Variants in S1PR1 observed in about 807,000 individuals in gnomAD.
S1PR1 encodes the protein sphingosine 1-phosphate receptor 1.
Under a neutral mutation model 18.3 loss-of-function variants are expected in S1PR1, and 2 were observed. The observed-to-expected ratio is 0.11, with a 90% CI of 0.04 to 0.34. The LOEUF is 0.34. Among genes scored for constraint, S1PR1 ranks in the 10% least tolerant of loss-of-function variants. The pLI is 1.00. For missense variants in S1PR1, 335 were observed against 493.8 expected, an observed-to-expected ratio of 0.68 and a Z score of 3.05; for synonymous variants, 222 against 211.2, an observed-to-expected ratio of 1.05 and a Z score of -0.44.
In S1PR1 at chr1:101,241,285, G is replaced by A. The variant is rs201942857; in HGVS notation, c.*1152G>A. 1.8e-5 allele frequency: 3 copies of A among 167,108 alleles called. No homozygotes were observed. Among genetic ancestry groups the A allele is most frequent in the East Asian group, 1.9e-4 (1 of 5,336 alleles). The allele number at this position is 167,108 out of a possible 1,614,324, so 10.4% of individuals were successfully genotyped here. On this transcript the variant is annotated 3_prime_UTR_variant, in exon 2 of 2. Transcript: ENST00000305352. Reference sequence around the variant, plus strand: ...AGCATTACTTTAACTGGTAGGGAACGCCAGAAACTTTTCAGTCCAGCTATT... The same window carrying A: ...AGCATTACTTTAACTGGTAGGGAACACCAGAAACTTTTCAGTCCAGCTATT...
chr1:101,240,400 A>G lies in S1PR1; in HGVS notation c.*267A>G. The stretch of plus-strand genomic sequence containing the variant: ...CCCCTGGAGCTTTGATTTTGCACTG[A>G]GCCAAAGGTCTAGCATTGTCAAGCT... On this transcript the variant is annotated 3_prime_UTR_variant, in exon 2 of 2. Transcript: ENST00000305352. 1.9e-6 allele frequency: 1 copy of G among 535,934 alleles called. No individual in the cohort carries two copies. The highest frequency in any genetic ancestry group is 3.5e-6 in the Non-Finnish European group (1 of 289,274). 33.2% of individuals were successfully genotyped at this position (535,934 alleles called of 1,614,324 possible).
In S1PR1 at chr1:101,239,869, C is replaced by T; in HGVS notation, c.885C>T (p.Tyr295=). The change falls in exon 2 of 2, where the codon TAC becomes TAT. Residue 295 remains tyrosine, a synonymous_variant. Transcript: ENST00000305352. This position sits in a 1 kb window ranked among gnomAD's most constrained non-coding sequence, Gnocchi z 6.3. ...KTCDILFRAE[Y]FLVLAVLNSG... is the part of the protein sequence containing the mutation. ...GTGACATCCTCTTCAGAGCGGAGTACTTCCTGGTGTTAGCTGTGCTCAACT... is the reference window on the plus strand; with the variant it reads ...GTGACATCCTCTTCAGAGCGGAGTATTTCCTGGTGTTAGCTGTGCTCAACT... 6.2e-7 allele frequency: 1 copy of T among 1,613,820 alleles called. No homozygotes were observed. The highest frequency in any genetic ancestry group is 8.5e-7 in the Non-Finnish European group (1 of 1,180,032).
Position 101,238,883 on chromosome 1 carries a change from A to T in S1PR1, c.-102A>T, listed in dbSNP as rs923406005. On this transcript the variant is annotated 5_prime_UTR_variant, in exon 2 of 2. Transcript: ENST00000305352. Reference sequence around the variant, plus strand: ...GCTACACAAAAAGCCTGGATCACTCATCGAACCACCCCTGAAGCCAGTGAA... The same window carrying T: ...GCTACACAAAAAGCCTGGATCACTCTTCGAACCACCCCTGAAGCCAGTGAA... 3 of 1,197,130 alleles carry T rather than the reference A, an allele frequency of 2.5e-6. No homozygotes were observed. In the African/African-American group the frequency reaches 4.6e-5, roughly 18 times the overall value. 74.2% of individuals were successfully genotyped at this position (1,197,130 alleles called of 1,614,324 possible). A position where few individuals can be genotyped will look rare whatever the true frequency, so the allele number is the denominator to read the frequency against.
rs1203089141 is a variant in S1PR1 at position 101,238,910 on chromosome 1, G to T, written c.-75G>T. The T allele has an allele frequency of 4.9e-6, 7 of 1,421,004 alleles. No homozygotes were observed. Among genetic ancestry groups the T allele is most frequent in the Non-Finnish European group, 6.6e-6 (7 of 1,059,792 alleles). 88.0% of individuals were successfully genotyped at this position (1,421,004 alleles called of 1,614,324 possible). A position where few individuals can be genotyped will look rare whatever the true frequency, so the allele number is the denominator to read the frequency against. ...CGAACCACCCCTGAAGCCAGTGAAG[G>T]CTCTCTCGCCTCGCCCTCTAGCGTT... On this transcript the variant is annotated 5_prime_UTR_variant, in exon 2 of 2. Transcript: ENST00000305352.
downstream of S1PR1, among the ~76,000 whole-genome samples, chr1:101,242,079 C>T (rs1371617395): frequency 6.7e-6 from 1 of 148,382 alleles, no homozygotes; most frequent in African/African-American, 2.5e-5. Flanking sequence ...TAGAAGTATA[C>T]AGTATCAGTG....
In S1PR1 at chr1:101,239,107, G is replaced by A; in HGVS notation, c.123G>A (p.Lys41=). 1.2e-6 allele frequency: 2 copies of A among 1,614,270 alleles called. No individual in the cohort carries two copies. Among genetic ancestry groups the A allele is most frequent in the South Asian group, 1.1e-5 (1 of 91,084 alleles). ...YTGKLNISAD[K]ENSIKLTSVV... is the part of the protein sequence containing the mutation. ...GAAAGCTGAATATCAGCGCGGACAA[G>A]GAGAACAGCATTAAACTGACCTCGG... The change falls in exon 2 of 2, where the codon AAG becomes AAA. Residue 41 remains lysine (K), a synonymous_variant. Coordinates refer to ENST00000305352, the MANE Select transcript of S1PR1 (RefSeq NM_001400.5). This position sits in a 1 kb window ranked among gnomAD's most constrained non-coding sequence, Gnocchi z 6.3.
rs1399180292 is a variant in S1PR1 at position 101,240,793 on chromosome 1, G to T, written c.*660G>T. The T allele has an allele frequency of 6.0e-6, 1 of 167,208 alleles. No homozygotes were observed. The highest frequency in any genetic ancestry group is 2.4e-5 in the African/African-American group (1 of 41,432). 10.4% of individuals were successfully genotyped at this position (167,208 alleles called of 1,614,324 possible). On this transcript the variant is annotated 3_prime_UTR_variant, in exon 2 of 2. Coordinates refer to ENST00000305352, the MANE Select transcript of S1PR1 (RefSeq NM_001400.5). The stretch of plus-strand genomic sequence containing the variant: ...GAGGCCAAAGTTTCCATGTAAGCGG[G>T]ATCCGTTTTTTGGAATTTGGTTGAA...
chr1:101,237,730 A>T (rs971893343), intron 1 of S1PR1, among the ~76,000 whole-genome samples: 3 of 152,220 alleles, frequency 2.0e-5, no homozygotes, highest in East Asian at 1.9e-4. Context: ...AAAACTGCCC[A>T]CGCAAATTTA....
chr1:101,240,052 C>T lies in S1PR1; in HGVS notation c.1068C>T (p.Asp356=), dbSNP rs1322318121. The T allele has an allele frequency of 6.2e-7, 1 of 1,613,658 alleles. No homozygotes were observed. The highest frequency in any genetic ancestry group is 8.5e-7 in the Non-Finnish European group (1 of 1,180,044). ...AGMEFSRSKS[D]NSSHPQKDEG... is the part of the protein sequence containing the mutation. ...TGGAATTCAGCCGCAGCAAATCGGA[C>T]AATTCCTCCCACCCCCAGAAAGACG... The change falls in exon 2 of 2, where the codon GAC becomes GAT. Residue 356 remains aspartate, a synonymous_variant. Coordinates refer to ENST00000305352, the MANE Select transcript of S1PR1 (RefSeq NM_001400.5).
chr1:101,238,748 A>T (rs1652788854), intron 1 of S1PR1, 74 bp from the exon 2 acceptor site: 1 of 530,886 alleles, frequency 1.9e-6, no homozygotes, highest in Non-Finnish European at 3.3e-6. Flanking sequence ...CAATTGGAGC[A>T]GTGCCTTAGC....
rs1253905349 is a variant in S1PR1, at chr1:101,241,230, A to G, written c.*1097A>G. On this transcript the variant is annotated 3_prime_UTR_variant, in exon 2 of 2. Coordinates refer to ENST00000305352, the MANE Select transcript of S1PR1 (RefSeq NM_001400.5). ...TAACACCATTGAATGTGTATTTCTT[A>G]AGAAAATACCACCCTCTTGTGCCCT... 3 of 167,234 alleles carry G rather than the reference A, an allele frequency of 1.8e-5. No individual in the cohort carries two copies. The highest frequency in any genetic ancestry group is 4.4e-5 in the Non-Finnish European group (3 of 68,114). 10.4% of individuals were successfully genotyped at this position (167,234 alleles called of 1,614,324 possible).
chr1:101,237,318 T>C (rs1404424678), intron 1 of S1PR1, among the ~76,000 whole-genome samples: 2 of 152,194 alleles, frequency 1.3e-5, no homozygotes, highest in African/African-American at 4.8e-5. Flanking sequence ...GAAAAAAGGT[T>C]AATTCCCAAC....
chr1:101,241,962 C>T (rs1022072288), downstream of S1PR1, among the ~76,000 whole-genome samples: 3 of 150,972 alleles, frequency 2.0e-5, no homozygotes, highest in African/African-American at 7.3e-5. Flanking sequence ...CTTTCACCAA[C>T]ATGTTGGGGA....
At position 101,240,165 on chromosome 1, in the gene S1PR1, C is replaced by G. The variant is rs1442456614; in HGVS notation, c.*32C>G. On this transcript the variant is annotated 3_prime_UTR_variant, in exon 2 of 2. Transcript: ENST00000305352. ...AAGCTGTCCACCCACCGGAAGCGCTCTTTACTTGGTCGCTGGCCACCCCAG... is the reference window on the plus strand; with the variant it reads ...AAGCTGTCCACCCACCGGAAGCGCTGTTTACTTGGTCGCTGGCCACCCCAG... The G allele has an allele frequency of 1.9e-6, 3 of 1,611,012 alleles. No homozygotes were observed. Among genetic ancestry groups the G allele is most frequent in the South Asian group, 2.2e-5 (2 of 90,870 alleles).
Position 101,240,369 on chromosome 1 carries a change from T to G in S1PR1, c.*236T>G. On this transcript the variant is annotated 3_prime_UTR_variant, in exon 2 of 2. Coordinates refer to ENST00000305352, the MANE Select transcript of S1PR1 (RefSeq NM_001400.5). ...TCAGGTCCCGGCCTGGAATATATTT[T>G]CTACCCCCCTGGAGCTTTGATTTTG... The G allele has an allele frequency of 1.7e-6, 1 of 588,960 alleles. No homozygotes were observed. Among genetic ancestry groups the G allele is most frequent in the South Asian group, 2.1e-5 (1 of 48,192 alleles). 36.5% of individuals were successfully genotyped at this position (588,960 alleles called of 1,614,324 possible).
In S1PR1 at chr1:101,239,163, T is replaced by A; in HGVS notation, c.179T>A (p.Ile60Asn). 1 of 1,614,272 alleles carries A rather than the reference T, an allele frequency of 6.2e-7. No individual in the cohort carries two copies. The highest frequency in any genetic ancestry group is 8.5e-7 in the Non-Finnish European group (1 of 1,180,050). The change falls in exon 2 of 2, where the codon ATC becomes AAC. Residue 60 changes from isoleucine (I) to asparagine (N), a missense_variant. Physicochemically the swap from Ile to Asn is moderately radical, Grantham distance 149. Around this residue, in one of 3 missense-constraint regions of S1PR1, gnomAD observed 214 missense variants for 366.6 expected, o/e 0.58. Coordinates refer to ENST00000305352, the MANE Select transcript of S1PR1 (RefSeq NM_001400.5). The surrounding 1 kb of genome is among the most constrained non-coding windows in gnomAD (Gnocchi z 6.3). ...VVFILICCFI[I>N]LENIFVLLTI... ...TTCATTCTCATCTGCTGCTTTATCA[T>A]CCTGGAGAACATCTTTGTCTTGCTG...
chr1:101,240,094 G>A lies in S1PR1; in HGVS notation c.1110G>A (p.Glu370=), dbSNP rs1389342764. 2 of 1,613,220 alleles carry A rather than the reference G, an allele frequency of 1.2e-6. No homozygotes were observed. The highest frequency in any genetic ancestry group is 1.7e-6 in the Non-Finnish European group (2 of 1,180,042). Residue 370 remains glutamate (E), a synonymous_variant, in exon 2 of 2, where the codon GAG becomes GAA. Coordinates refer to ENST00000305352, the MANE Select transcript of S1PR1 (RefSeq NM_001400.5). The part of the protein sequence containing the change: ...HPQKDEGDNP[E]TIMSSGNVNS... ...AGAAAGACGAAGGGGACAACCCAGA[G>A]ACCATTATGTCTTCTGGAAACGTCA...
downstream of S1PR1, chr1:101,241,597 G>A: frequency 6.1e-6 from 1 of 163,456 alleles, no homozygotes; most frequent in African/African-American, 2.4e-5. Context: ...TCAAAGTGAA[G>A]GACAAATTTC....
chr1:101,239,470 G>A lies in S1PR1; in HGVS notation c.486G>A (p.Leu162=), dbSNP rs1334405346. Residue 162 remains leucine (L), a synonymous_variant, in exon 2 of 2, where the codon CTG becomes CTA. Coordinates refer to ENST00000305352, the MANE Select transcript of S1PR1 (RefSeq NM_001400.5). The surrounding 1 kb of genome is among the most constrained non-coding windows in gnomAD (Gnocchi z 6.3). ...HNGSNNFRLF[L]LISACWVISL... ...GGAGCAATAACTTCCGCCTCTTCCT[G>A]CTAATCAGCGCCTGCTGGGTCATCT... 5.0e-6 allele frequency: 8 copies of A among 1,613,980 alleles called. No individual in the cohort carries two copies. The Admixed American group carries it at 1.2e-4, about 24-fold the overall frequency.
Sources: allele counts gnomAD v4.1 joint callset (sites outside exome capture counted in the v4.1 genomes callset), GRCh38; gene constraint gnomAD v4.1.1; regional missense constraint gnomAD v4.1.1; non-coding constraint Gnocchi (gnomAD v3.1); transcripts MANE v1.5; gene names NCBI Gene and HGNC (gene_info 2026-07-23, HGNC 2026-07-21).